DNMT3A: variants seen among roughly 807,000 people sequenced by gnomAD.
DNMT3A encodes DNA (cytosine-5)-methyltransferase 3A.
Under a neutral mutation model 117.6 loss-of-function variants are expected in DNMT3A, and 267 were observed. The observed-to-expected ratio is 2.27, with a 90% confidence interval of 2.05 to 2.51. The LOEUF (loss-of-function observed/expected upper bound fraction) is 2.51, where lower values mean the gene tolerates loss of function less well. Ranked by LOEUF, DNMT3A falls within the 30% of genes most tolerant of loss-of-function variation. DNMT3A has a pLI of 0.00. For synonymous variants in DNMT3A, 432 were observed against 474.8 expected (o/e 0.91, Z 1.17); for missense variants, 1,029 against 1,260.2 (o/e 0.82, Z 2.78).
At chr2:25,246,958 G>T in intron 9 of DNMT3A, 93 bp downstream of exon 9, 1 of 1,485,586 alleles carries the variant, frequency 6.7e-7, no homozygotes, top group Non-Finnish European at 9.2e-7. Context: ...TGCCTCCTGG[G>T]CCTCCGTTCT....
chr2:25,296,191 A>G lies in DNMT3A; in HGVS notation c.177+3948T>C, dbSNP rs536887189. On this transcript the variant is annotated intron_variant, in intron 3 of 22. Coordinates refer to ENST00000321117, the MANE Select transcript of DNMT3A (RefSeq NM_022552.5). The surrounding 1 kb of genome is among the most constrained non-coding windows in gnomAD (Gnocchi z 4.2). ...ATCGGTGGGCTTGGAACTTGTCTTT[A>G]TCAGTTCATTTTTATTAACTTTGGA... Among the ~76,000 whole-genome samples, 12 of 152,310 alleles carry G rather than the reference A, an allele frequency of 7.9e-5. No individual in the cohort carries two copies. The South Asian group carries it at 2.5e-3, about 32-fold the overall frequency.
At chr2:25,246,946 G>A (rs759973962) in intron 9 of DNMT3A, 105 bp downstream of exon 9, 42 of 1,455,362 alleles carry the variant, frequency 2.9e-5, no homozygotes, top group Middle Eastern at 2.1e-4. Flanking sequence ...GAAAGGAGTC[G>A]CTGCCTCCTG....
intron 2 of DNMT3A, among the ~76,000 whole-genome samples, chr2:25,307,832 G>T (rs62131061): frequency 0.07 from 10,670 of 152,192 alleles, 506 homozygotes; most frequent in Non-Finnish European, 0.1. Flanking sequence ...CACCTTATCA[G>T]CAGGGCTGGG....
chr2:25,308,878 C>G (rs755453688), intron 2 of DNMT3A, among the ~76,000 whole-genome samples: 7 of 151,936 alleles, frequency 4.6e-5, no homozygotes, highest in Non-Finnish European at 7.4e-5. Context: ...AGAGAGCCCA[C>G]GAGAAATCAG....
intron 16 of DNMT3A, among the ~76,000 whole-genome samples, chr2:25,243,013 G>GA (rs1674266378): frequency 6.6e-6 from 1 of 152,176 alleles, no homozygotes; most frequent in Non-Finnish European, 1.5e-5. Context: ...TACAAATAAA[G>GA]AATGTAGCTT....
intron 1 of DNMT3A, among the ~76,000 whole-genome samples, chr2:25,336,222 G>C (rs146975093): frequency 6.6e-6 from 1 of 152,234 alleles, no homozygotes; most frequent in Non-Finnish European, 1.5e-5. Context: ...TTGGTGGCTC[G>C]GTTCTGCCCA....
At chr2:25,320,277 T>C (rs1204332217) in intron 1 of DNMT3A, among the ~76,000 whole-genome samples, 1 of 152,138 alleles carries the variant, frequency 6.6e-6, no homozygotes, top group African/African-American at 2.4e-5. Context: ...TGAAAGAGGA[T>C]AGATAACTTA....
chr2:25,233,169 A>G lies in DNMT3A; in HGVS notation c.*1110T>C, dbSNP rs1046813709. ...TAGAAAACAATCAAAGGGTTATTGCATGAGTCTGGATGAATCCCACTCTCA... is the reference window on the plus strand; with the variant it reads ...TAGAAAACAATCAAAGGGTTATTGCGTGAGTCTGGATGAATCCCACTCTCA... On this transcript the variant is annotated 3_prime_UTR_variant, in exon 23 of 23. Transcript: ENST00000321117. 2 of 233,664 alleles carry G rather than the reference A, an allele frequency of 8.6e-6. No homozygotes were observed. Among genetic ancestry groups the G allele is most frequent in the Non-Finnish European group, 1.7e-5 (2 of 118,032 alleles). 14.5% of individuals were successfully genotyped at this position (233,664 alleles called of 1,614,324 possible). A position where few individuals can be genotyped will look rare whatever the true frequency, so the allele number is the denominator to read the frequency against.
chr2:25,236,855 A>C lies in DNMT3A; in HGVS notation c.2478+81T>G, dbSNP rs1673420427. On this transcript the variant is annotated intron_variant, in intron 21 of 22. Coordinates refer to ENST00000321117, the MANE Select transcript of DNMT3A (RefSeq NM_022552.5). This position sits in a 1 kb window ranked among gnomAD's most constrained non-coding sequence, Gnocchi z 4.5. ...CACTAGCTGGAGAAGCAGGCGGGAC[A>C]AGGCCCTGGCCACCGCTCCACCTCA... 1 of 1,435,300 alleles carries C rather than the reference A, an allele frequency of 7.0e-7. No homozygotes were observed. The highest frequency in any genetic ancestry group is 9.5e-7 in the Non-Finnish European group (1 of 1,049,136). The allele number at this position is 1,435,300 out of a possible 1,614,324, so 88.9% of individuals were successfully genotyped here.
At position 25,296,743 on chromosome 2, in the gene DNMT3A, A is replaced by G. The variant is rs2149400704; in HGVS notation, c.177+3396T>C. Among the ~76,000 whole-genome samples the G allele has an allele frequency of 6.6e-6, 1 of 152,348 alleles. No individual in the cohort carries two copies. The highest frequency in any genetic ancestry group is 2.4e-5 in the African/African-American group (1 of 41,584). ...GCCAGGGGGCAGAAGGCACCCAGGG[A>G]CAGATGCCTGTTGAAGGCCAAGACA... On this transcript the variant is annotated intron_variant, in intron 3 of 22. Transcript: ENST00000321117. This position sits in a 1 kb window ranked among gnomAD's most constrained non-coding sequence, Gnocchi z 4.2.
chr2:25,241,455 GAAGAGA>G, intron 17 of DNMT3A, 101 bp downstream of exon 17: 1 of 1,426,448 alleles, frequency 7.0e-7, no homozygotes, highest in Non-Finnish European at 9.4e-7. Context: ...GGCAAAGGGT[GAAGAGA>G]AAGAGGGCAA....
At chr2:25,259,454 CT>C (rs1183865172) in intron 6 of DNMT3A, among the ~76,000 whole-genome samples, 5 of 152,198 alleles carry the variant, frequency 3.3e-5, no homozygotes, top group African/African-American at 1.2e-4. Context: ...TAAATAACCC[CT>C]AGCTTCTTTG....
intron 1 of DNMT3A, chr2:25,328,631 G>A (rs756623383): frequency 1.9e-6 from 1 of 514,622 alleles, no homozygotes; most frequent in Non-Finnish European, 4.0e-6. Flanking sequence ...GGGTGACCCT[G>A]GAGGCAGAGA....
In DNMT3A at chr2:25,314,139, G is replaced by T. The variant is rs937449122; in HGVS notation, c.-155C>A. ...TGAACGGTGCCTCTGTCAGCCTGTG[G>T]GTGGGGGCTTCGATGGCTCCACCTG... is the stretch of plus-strand genomic sequence containing the variant. On this transcript the variant is annotated 5_prime_UTR_variant, in exon 2 of 23. Transcript: ENST00000321117. 5 of 1,427,152 alleles carry T rather than the reference G, an allele frequency of 3.5e-6. No individual in the cohort carries two copies. The African/African-American group carries it at 7.2e-5, about 21-fold the overall frequency. 88.4% of individuals were successfully genotyped at this position (1,427,152 alleles called of 1,614,324 possible).
intron 4 of DNMT3A, among the ~76,000 whole-genome samples, chr2:25,278,044 C>CACACAAACAG (rs1558700983): frequency 7.1e-6 from 1 of 140,372 alleles, no homozygotes; most frequent in Non-Finnish European, 1.6e-5. Context: ...CACACAGACA[C>CACACAAACAG]ACACGCTTTC....
intron 3 of DNMT3A, among the ~76,000 whole-genome samples, chr2:25,289,676 T>C (rs1380848652): frequency 1.3e-5 from 2 of 152,154 alleles, no homozygotes; most frequent in Non-Finnish European, 1.5e-5. Flanking sequence ...CCCCCAGGGT[T>C]TGGAGAAGGC....
At chr2:25,300,687 ATATATTTATATAT>A (rs2033401165) in intron 2 of DNMT3A, among the ~76,000 whole-genome samples, 1 of 79,822 alleles carries the variant, frequency 1.3e-5, no homozygotes, top group Non-Finnish European at 2.4e-5. Flanking sequence ...ATATTTAGAT[ATATATTTATATAT>A]CTAAATAATA....
intron 10 of DNMT3A, 50 bp from the exon 11 acceptor site, chr2:25,246,359 T>TC: frequency 6.5e-7 from 1 of 1,548,464 alleles, no homozygotes; most frequent in Middle Eastern, 1.8e-4. Context: ...GACAGGAAAC[T>TC]CCAGCCCCTT....
At position 25,252,620 on chromosome 2, in the gene DNMT3A, C is replaced by T. The variant is rs1413202214; in HGVS notation, c.640-4368G>A. ...AGCTCTGGAAGAGATTAGCGCGGGGCCGGGGGGCCGGGAGGGGAGGGAAGG... is the reference window on the plus strand; with the variant it reads ...AGCTCTGGAAGAGATTAGCGCGGGGTCGGGGGGCCGGGAGGGGAGGGAAGG... On this transcript the variant is annotated intron_variant, in intron 6 of 22. Coordinates refer to ENST00000321117, the MANE Select transcript of DNMT3A (RefSeq NM_022552.5). The surrounding 1 kb of genome is among the most constrained non-coding windows in gnomAD (Gnocchi z 5.5). Among the ~76,000 whole-genome samples, 5 of 149,670 alleles carry T rather than the reference C, an allele frequency of 3.3e-5. No homozygotes were observed. The highest frequency in any genetic ancestry group is 7.4e-5 in the Non-Finnish European group (5 of 67,236).
Sources: gnomAD v4.1 joint callset for allele counts (sites outside exome capture counted in the v4.1 genomes callset) on GRCh38, gnomAD v4.1.1 for gene constraint, Gnocchi (gnomAD v3.1) non-coding constraint, MANE v1.5 for transcripts, NCBI Gene and HGNC (gene_info 2026-07-23, HGNC 2026-07-21) for gene names.